ACADM: variants seen among roughly 807,000 people sequenced by gnomAD.
The protein encoded by ACADM is medium-chain specific acyl-CoA dehydrogenase, mitochondrial.
Under a neutral mutation model 58.9 loss-of-function variants are expected in ACADM, and 49 were observed. That is an observed-to-expected ratio of 0.83 (90% CI 0.66 to 1.06). The LOEUF (loss-of-function observed/expected upper bound fraction) is 1.06, where lower values mean the gene tolerates loss of function less well. ACADM is among the 50% of genes least tolerant of loss of function. The pLI is 0.00. For missense variants in ACADM, 496 were observed against 507.0 expected (o/e 0.98, Z 0.21); for synonymous variants, 160 against 157.7 (o/e 1.01, Z -0.11).
Position 75,760,995 on chromosome 1 carries a change from C to G in ACADM, c.946-127C>G, listed in dbSNP as rs1648812134. On this transcript the variant is annotated intron_variant, in intron 10 of 11. Transcript: ENST00000370841. ...GCCTAAGTAGGAGGATTGCTTGAGG[C>G]CAGGAGTTGCAGACCAGCCTGGGCA... 10 of 884,176 alleles carry G rather than the reference C, an allele frequency of 1.1e-5. No homozygotes were observed. The South Asian group carries it at 1.3e-4, about 11-fold the overall frequency. 54.8% of individuals were successfully genotyped at this position (884,176 alleles called of 1,614,324 possible).
intron 1 of ACADM, among the ~76,000 whole-genome samples, chr1:75,725,240 G>A (rs1329250474): frequency 8.0e-6 from 1 of 125,402 alleles, no homozygotes; most frequent in African/African-American, 3.6e-5. Context: ...GTTGCTTACG[G>A]GAAAAAAAAA....
chr1:75,758,519 C>T (rs1648635563), intron 10 of ACADM, among the ~76,000 whole-genome samples: 1 of 152,194 alleles, frequency 6.6e-6, no homozygotes, highest in African/African-American at 2.4e-5. Context: ...AGAGGTGAAG[C>T]CAGCTGGACT....
At chr1:75,728,773 A>G (rs963616436) in intron 2 of ACADM, among the ~76,000 whole-genome samples, 3 of 152,218 alleles carry the variant, frequency 2.0e-5, no homozygotes, top group Admixed American at 1.3e-4. Context: ...ATTTACTGAT[A>G]TATATGAATA....
chr1:75,762,478 G>A (rs1361360511), intron 11 of ACADM, among the ~76,000 whole-genome samples: 1 of 151,650 alleles, frequency 6.6e-6, no homozygotes, highest in African/African-American at 2.4e-5. Flanking sequence ...TTGATAAATG[G>A]CTTTTTATAA....
intron 7 of ACADM, among the ~76,000 whole-genome samples, chr1:75,745,268 C>T (rs951055382): frequency 6.6e-6 from 1 of 152,096 alleles, no homozygotes; most frequent in Non-Finnish European, 1.5e-5. Flanking sequence ...GGGAAGATCC[C>T]TTGAGTCCAA....
intron 7 of ACADM, chr1:75,743,652 A>T: frequency 1.3e-6 from 2 of 1,491,304 alleles, no homozygotes; most frequent in African/African-American, 2.8e-5. Flanking sequence ...AGCCAAAAAC[A>T]CCTCCATTGC....
intron 10 of ACADM, among the ~76,000 whole-genome samples, chr1:75,755,706 TCTC>T (rs1346012506): frequency 1.3e-5 from 2 of 152,156 alleles, no homozygotes; most frequent in South Asian, 2.1e-4. Flanking sequence ...GAGTGCCTCT[TCTC>T]CTCCAAAGGA....
At chr1:75,724,876 A>AG in intron 1 of ACADM, 59 bp downstream of exon 1, 1 of 1,373,778 alleles carries the variant, frequency 7.3e-7, no homozygotes, top group Non-Finnish European at 9.5e-7. Flanking sequence ...GTGTCGGAGC[A>AG]GGGGGCCCTG....
chr1:75,725,804 G>T (rs1647045409), intron 1 of ACADM, among the ~76,000 whole-genome samples: 1 of 152,088 alleles, frequency 6.6e-6, no homozygotes, highest in Admixed American at 6.5e-5. Flanking sequence ...TACTTTAATC[G>T]TCCGAAAATA....
At chr1:75,727,851 T>C (rs527673061) in intron 1 of ACADM, among the ~76,000 whole-genome samples, 1 of 152,296 alleles carries the variant, frequency 6.6e-6, no homozygotes, top group South Asian at 2.1e-4. Context: ...TAAGAATCCC[T>C]GTAGACAGCA....
chr1:75,745,045 T>G (rs1254343888), intron 7 of ACADM, among the ~76,000 whole-genome samples: 1 of 152,204 alleles, frequency 6.6e-6, no homozygotes, highest in Non-Finnish European at 1.5e-5. Context: ...AATGGATGCC[T>G]GAAACCTCAG....
chr1:75,725,243 A>G (rs372210588), intron 1 of ACADM, among the ~76,000 whole-genome samples: 35,530 of 123,786 alleles, frequency 0.29, 4,511 homozygotes, highest in Non-Finnish European at 0.32. Flanking sequence ...GCTTACGGGA[A>G]AAAAAAAAGT....
intron 2 of ACADM, among the ~76,000 whole-genome samples, chr1:75,728,950 A>G (rs1230798287): frequency 6.6e-6 from 1 of 152,190 alleles, no homozygotes; most frequent in Non-Finnish European, 1.5e-5. Context: ...CCAGGGAGCC[A>G]TGATTTTTTT....
intron 11 of ACADM, 110 bp downstream of exon 11, chr1:75,761,480 C>T: frequency 8.2e-7 from 1 of 1,216,596 alleles, no homozygotes; most frequent in Non-Finnish European, 1.2e-6. Flanking sequence ...CAATAAATGA[C>T]TGTCATATAT....
chr1:75,725,168 A>G (rs1174602907), intron 1 of ACADM, among the ~76,000 whole-genome samples: 2 of 152,100 alleles, frequency 1.3e-5, no homozygotes, highest in Non-Finnish European at 2.9e-5. Context: ...AAAAAGAAAA[A>G]TGGAGCAGCT....
At chr1:75,740,521 A>T (rs144361077) in intron 7 of ACADM, among the ~76,000 whole-genome samples, 28 of 152,306 alleles carry the variant, frequency 1.8e-4, no homozygotes, top group Non-Finnish European at 3.2e-4. Context: ...GTCTTAAAAC[A>T]GGTTATCTAT....
chr1:75,746,696 TCAAA>T (rs1479965433), intron 8 of ACADM, among the ~76,000 whole-genome samples: 2 of 151,486 alleles, frequency 1.3e-5, no homozygotes, highest in Non-Finnish European at 2.9e-5. Context: ...CCTCCTGGGC[TCAAA>T]CAATCATCCC....
chr1:75,730,270 A>G lies in ACADM; in HGVS notation c.118+1782A>G, dbSNP rs143898398. Among the ~76,000 whole-genome samples, 486 of 152,260 alleles carry G rather than the reference A, an allele frequency of 3.2e-3. 1 individual carries two copies. The highest frequency in any genetic ancestry group is 0.011 in the African/African-American group (444 of 41,544). ...CACTTTAAATTTCTCTCTCAGTAGT[A>G]AGAGACTTGCAGGAGAAATCTATGG... On this transcript the variant is annotated intron_variant, in intron 2 of 11. Transcript: ENST00000370841.
At chr1:75,740,285 C>T (rs1397016332) in intron 7 of ACADM, among the ~76,000 whole-genome samples, 175 bp downstream of exon 7, 1 of 152,184 alleles carries the variant, frequency 6.6e-6, no homozygotes, top group African/African-American at 2.4e-5. Context: ...TAAGCCCCTG[C>T]ACTGTTTTTT....
Sources: gnomAD v4.1 joint callset for allele counts (sites outside exome capture counted in the v4.1 genomes callset) on GRCh38, gnomAD v4.1.1 for gene constraint, MANE v1.5 for transcripts, NCBI Gene and HGNC (gene_info 2026-07-23, HGNC 2026-07-21) for gene names.